The following PAPPA variants were observed in gnomAD, a reference collection of about 807,000 sequenced individuals.
The protein encoded by PAPPA is pappalysin-1.
Under a neutral mutation model 164.0 loss-of-function variants are expected in PAPPA, and 60 were observed. That is an observed-to-expected ratio of 0.37 (90% CI 0.30 to 0.45). The LOEUF is 0.45. Ranked by LOEUF, PAPPA falls within the 20% of genes least tolerant of loss-of-function variation. The probability of loss-of-function intolerance (pLI) is 1.00; values close to 1 mark genes in which losing one functional copy is unlikely to be tolerated. For missense variants in PAPPA, 1,782 were observed against 2,087.3 expected (o/e 0.85, Z 2.85); for synonymous variants, 875 against 814.1 (o/e 1.07, Z -1.27).
At chr9:116,220,231 C>T in intron 5 of PAPPA, 102 bp downstream of exon 5, 1 of 867,476 alleles carries the variant, frequency 1.2e-6, no homozygotes, top group Non-Finnish European at 1.8e-6. Context: ...TACTGCATTT[C>T]TTGTTCTTGT....
chr9:116,154,274 C>T lies in PAPPA; in HGVS notation c.102C>T (p.Ala34=). The T allele has an allele frequency of 9.5e-7, 1 of 1,054,844 alleles. No individual in the cohort carries two copies. 65.3% of individuals were successfully genotyped at this position (1,054,844 alleles called of 1,614,324 possible). A position where few individuals can be genotyped will look rare whatever the true frequency, so the allele number is the denominator to read the frequency against. ...GCCGGGCCCGGAGAGACCCGCGGGC[C>T]GGCCGACCCCCGCGCCCCGCCGCCG... The part of the protein sequence containing the change: ...RPRRARRDPR[A]GRPPRPAAGP... Residue 34 remains alanine (A), a synonymous_variant, in exon 1 of 22, where the codon GCC becomes GCT. Transcript: ENST00000328252. This position sits in a 1 kb window ranked among gnomAD's most constrained non-coding sequence, Gnocchi z 5.2.
At chr9:116,178,560 A>G (rs1843863955) in intron 1 of PAPPA, among the ~76,000 whole-genome samples, 1 of 152,266 alleles carries the variant, frequency 6.6e-6, no homozygotes, top group South Asian at 2.1e-4. Flanking sequence ...TGAGGAAACT[A>G]TCAAGGAGAT....
chr9:116,393,665 A>T (rs1846923406), intron 21 of PAPPA, among the ~76,000 whole-genome samples: 1 of 151,960 alleles, frequency 6.6e-6, no homozygotes, highest in Non-Finnish European at 1.5e-5. Context: ...TTTTGCACCA[A>T]CCTAATATCT....
intron 12 of PAPPA, among the ~76,000 whole-genome samples, chr9:116,334,238 T>TAAAA (rs397974030): frequency 5.5e-5 from 6 of 108,998 alleles, no homozygotes; most frequent in Middle Eastern, 5.3e-3. Flanking sequence ...CTGGCTGCAT[T>TAAAA]AAAAAAAAAA....
Position 116,302,967 on chromosome 9 carries a change from G to C in PAPPA, c.3147+17G>C. 1 of 1,609,282 alleles carries C rather than the reference G, an allele frequency of 6.2e-7. No individual in the cohort carries two copies. The highest frequency in any genetic ancestry group is 8.5e-7 in the Non-Finnish European group (1 of 1,177,144). The stretch of plus-strand genomic sequence containing the variant: ...GCATCCCAGGTAAGATCCTAACCAT[G>C]TGTGGCATTTCCTGCAGACATTCAA... On this transcript the variant is annotated intron_variant, in intron 10 of 21. Coordinates refer to ENST00000328252, the MANE Select transcript of PAPPA (RefSeq NM_002581.5).
At chr9:116,363,624 T>C (rs1031030114) in intron 18 of PAPPA, among the ~76,000 whole-genome samples, 4 of 152,184 alleles carry the variant, frequency 2.6e-5, no homozygotes, top group African/African-American at 7.2e-5. Flanking sequence ...TAATTGACCA[T>C]GATGAAAAGC....
intron 9 of PAPPA, among the ~76,000 whole-genome samples, chr9:116,292,585 G>A (rs1845450504): frequency 6.6e-6 from 1 of 152,148 alleles, no homozygotes; most frequent in Non-Finnish European, 1.5e-5. Context: ...GAGAAAAAGG[G>A]AATGTGGGGA....
At chr9:116,333,579 G>A (rs1223485096) in intron 12 of PAPPA, among the ~76,000 whole-genome samples, 1 of 152,154 alleles carries the variant, frequency 6.6e-6, no homozygotes, top group African/African-American at 2.4e-5. Flanking sequence ...TAAAAGCCAA[G>A]GGAGCAGGGA....
chr9:116,210,947 A>G (rs1397447705), intron 3 of PAPPA, among the ~76,000 whole-genome samples: 1 of 152,228 alleles, frequency 6.6e-6, no homozygotes, highest in African/African-American at 2.4e-5. Flanking sequence ...GTTAACATTC[A>G]GCAAATATTC....
intron 12 of PAPPA, among the ~76,000 whole-genome samples, chr9:116,333,278 A>G (rs919620934): frequency 2.0e-4 from 31 of 152,196 alleles, no homozygotes; most frequent in African/African-American, 7.2e-4. Flanking sequence ...CAGCAAGGAC[A>G]ATGATATCCA....
chr9:116,244,059 C>A (rs1844767987), intron 7 of PAPPA, among the ~76,000 whole-genome samples: 1 of 152,104 alleles, frequency 6.6e-6, no homozygotes, highest in South Asian at 2.1e-4. Context: ...ACCTATGACT[C>A]CCTCTCATCA....
intron 13 of PAPPA, among the ~76,000 whole-genome samples, chr9:116,339,216 T>A (rs1846102445): frequency 6.6e-6 from 1 of 152,092 alleles, no homozygotes; most frequent in African/African-American, 2.4e-5. Flanking sequence ...ATCAGGAGAG[T>A]TCATATTAAA....
At chr9:116,365,194 C>A (rs918897059) in intron 18 of PAPPA, among the ~76,000 whole-genome samples, 2 of 152,120 alleles carry the variant, frequency 1.3e-5, no homozygotes, top group Admixed American at 6.5e-5. Context: ...AGATATGTGT[C>A]GGGCTTGGGG....
chr9:116,322,079 A>T (rs1449533166), intron 10 of PAPPA, among the ~76,000 whole-genome samples: 1 of 152,180 alleles, frequency 6.6e-6, no homozygotes, highest in Non-Finnish European at 1.5e-5. Context: ...GATTATTAGG[A>T]AGGTAAAATG....
chr9:116,298,836 A>G (rs2118883120), intron 9 of PAPPA, among the ~76,000 whole-genome samples: 1 of 151,936 alleles, frequency 6.6e-6, no homozygotes, highest in South Asian at 2.1e-4. Flanking sequence ...CTACCTAGCT[A>G]CTACACGGAA....
chr9:116,309,120 G>A lies in PAPPA; in HGVS notation c.3147+6170G>A, dbSNP rs193014329. On this transcript the variant is annotated intron_variant, in intron 10 of 21. Coordinates refer to ENST00000328252, the MANE Select transcript of PAPPA (RefSeq NM_002581.5). ...TGGCAAAGTCTCACTCCGTCCTCCA[G>A]GCTGAAGTGCGGTGGCACAATCTCG... Among the ~76,000 whole-genome samples, 805 of 151,376 alleles carry A rather than the reference G, an allele frequency of 5.3e-3. 29 individuals carry two copies. The highest frequency in any genetic ancestry group is 0.048 in the Admixed American group (722 of 15,188).
At chr9:116,239,467 G>A (rs1357299718) in intron 7 of PAPPA, among the ~76,000 whole-genome samples, 1 of 152,072 alleles carries the variant, frequency 6.6e-6, no homozygotes, top group Admixed American at 6.6e-5. Context: ...GGGGTAACAG[G>A]TGATTCACAT....
At position 116,367,780 on chromosome 9, in the gene PAPPA, C is replaced by T. The variant is rs546784769; in HGVS notation, c.4605+26C>T. The T allele has an allele frequency of 1.7e-5, 25 of 1,468,534 alleles. No individual in the cohort carries two copies. The South Asian group carries it at 2.2e-4, about 13-fold the overall frequency. 91.0% of individuals were successfully genotyped at this position (1,468,534 alleles called of 1,614,324 possible). On this transcript the variant is annotated intron_variant, in intron 19 of 21. Coordinates refer to ENST00000328252, the MANE Select transcript of PAPPA (RefSeq NM_002581.5). ...GTGAGTGACCAGGGACATCTACCCA[C>T]CTGCAGCTAAGGGGGAGGGAAATGA...
At chr9:116,304,122 C>T (rs556267297) in intron 10 of PAPPA, among the ~76,000 whole-genome samples, 13 of 152,286 alleles carry the variant, frequency 8.5e-5, no homozygotes, top group East Asian at 7.7e-4. Flanking sequence ...CACGTCTGTA[C>T]TTGGTGGAAT....
Sources: allele counts gnomAD v4.1 joint callset (sites outside exome capture counted in the v4.1 genomes callset), GRCh38; gene constraint gnomAD v4.1.1; non-coding constraint Gnocchi (gnomAD v3.1); transcripts MANE v1.5; gene names NCBI Gene and HGNC (gene_info 2026-07-23, HGNC 2026-07-21).